The following PDZD2 variants were observed in gnomAD, a reference collection of about 807,000 sequenced individuals.
PDZD2 encodes the protein PDZ domain containing 2, also known as PDZ domain-containing protein 2.
In PDZD2, 90 loss-of-function variants were observed where a neutral mutation model predicts 220.7. That is an observed-to-expected ratio of 0.41 (90% CI 0.34 to 0.49). The LOEUF (loss-of-function observed/expected upper bound fraction) is 0.49. PDZD2 is among the 20% of genes least tolerant of loss of function. The pLI, the probability that PDZD2 is intolerant of heterozygous loss-of-function variation, is 0.28. For missense variants in PDZD2, 3,174 were observed against 3,608.5 expected (o/e 0.88, Z 3.08); for synonymous variants, 1,375 against 1,450.5 (o/e 0.95, Z 1.18).
At chr5:32,084,769 T>C (rs1742275996) in intron 19 of PDZD2, among the ~76,000 whole-genome samples, 2 of 152,100 alleles carry the variant, frequency 1.3e-5, no homozygotes, top group South Asian at 2.1e-4. Flanking sequence ...GCTGTGTGTC[T>C]GAGGTGGAAG....
intron 2 of PDZD2, among the ~76,000 whole-genome samples, chr5:31,938,320 A>G (rs1745933797): frequency 1.3e-5 from 2 of 152,206 alleles, no homozygotes; most frequent in South Asian, 4.1e-4. Context: ...TGTTTGGGAA[A>G]CTGATTTTAG....
At chr5:31,832,852 A>C (rs1219574789) in intron 2 of PDZD2, among the ~76,000 whole-genome samples, 1 of 152,070 alleles carries the variant, frequency 6.6e-6, no homozygotes, top group African/African-American at 2.4e-5. Flanking sequence ...TTTTATGTAT[A>C]TTTTACCACA....
intron 2 of PDZD2, among the ~76,000 whole-genome samples, chr5:31,939,163 G>A (rs1426539570): frequency 6.6e-6 from 1 of 152,192 alleles, no homozygotes; most frequent in East Asian, 1.9e-4. Context: ...CTGTACGCTT[G>A]ATGAGCCAGG....
intron 2 of PDZD2, among the ~76,000 whole-genome samples, chr5:31,977,121 G>A (rs1009540090): frequency 8.6e-5 from 13 of 151,600 alleles, no homozygotes; most frequent in Admixed American, 1.3e-4. Context: ...GCCTCCAAAA[G>A]CTCTGAGATT....
chr5:32,058,064 C>G lies in PDZD2; in HGVS notation c.2161C>G (p.Pro721Ala). The change falls in exon 12 of 25, where the codon CCC (proline) becomes GCC (alanine). Residue 721 changes from proline to alanine, a missense_variant. Pro to Ala is a conservative substitution (Grantham distance 27). Around this residue, in one of 4 missense-constraint regions of PDZD2, gnomAD observed 1,861 missense variants for 2,001.0 expected, o/e 0.93. Coordinates refer to ENST00000438447, the MANE Select transcript of PDZD2 (RefSeq NM_178140.4). ...ATCCCTGGGTCGGAAGACCCCTGGGCCCAAGGACAGGATCGTCATGGAAGT... is the reference window on the plus strand; with the variant it reads ...ATCCCTGGGTCGGAAGACCCCTGGGGCCAAGGACAGGATCGTCATGGAAGT... Reference protein sequence around the residue: ...SSSLGRKTPGPKDRIVMEVTL... With the variant: ...SSSLGRKTPGAKDRIVMEVTL... 1 of 1,606,636 alleles carries G rather than the reference C, an allele frequency of 6.2e-7. No homozygotes were observed. Among genetic ancestry groups the G allele is most frequent in the Non-Finnish European group, 8.5e-7 (1 of 1,173,280 alleles).
At chr5:31,994,290 GAGCC>G (rs934497849) in intron 3 of PDZD2, among the ~76,000 whole-genome samples, 1 of 151,048 alleles carries the variant, frequency 6.6e-6, no homozygotes, top group African/African-American at 2.4e-5. Flanking sequence ...TTACAGGCAT[GAGCC>G]ACCACGCCCA....
chr5:32,070,348 A>G (rs1049633819), intron 15 of PDZD2, among the ~76,000 whole-genome samples: 6 of 152,192 alleles, frequency 3.9e-5, no homozygotes, highest in African/African-American at 1.4e-4. Flanking sequence ...TACCCTGATT[A>G]TTTACATTCA....
chr5:31,978,232 T>C (rs181026644), intron 2 of PDZD2, among the ~76,000 whole-genome samples: 10 of 152,352 alleles, frequency 6.6e-5, no homozygotes, highest in Non-Finnish European at 8.8e-5. Flanking sequence ...AGGACATGAT[T>C]GTATTCCATT....
intron 2 of PDZD2, chr5:31,923,218 G>C (rs746653537): frequency 2.3e-6 from 1 of 432,550 alleles, no homozygotes; most frequent in Admixed American, 3.4e-5. Flanking sequence ...AGCTGAGATC[G>C]TGCCATTGCA....
At chr5:31,779,563 C>T (rs573676467) in intron 1 of PDZD2, among the ~76,000 whole-genome samples, 125 of 151,754 alleles carry the variant, frequency 8.2e-4, no homozygotes, top group Admixed American at 3.9e-4. Context: ...TTAGTAGAGA[C>T]GGGGTTTCAC....
chr5:32,075,292 C>T (rs369279736), intron 18 of PDZD2, among the ~76,000 whole-genome samples: 5 of 152,110 alleles, frequency 3.3e-5, no homozygotes, highest in Admixed American at 6.6e-5. Context: ...TGGCACTGGT[C>T]GAGTTACAAC....
intron 1 of PDZD2, among the ~76,000 whole-genome samples, chr5:31,795,283 C>T (rs983580568): frequency 1.3e-5 from 2 of 152,138 alleles, no homozygotes; most frequent in African/African-American, 4.8e-5. Flanking sequence ...GTAAAGTCAC[C>T]TACTGAGAAT....
At chr5:31,652,694 GA>G (rs907320162) in intron 1 of PDZD2, among the ~76,000 whole-genome samples, 11 of 152,152 alleles carry the variant, frequency 7.2e-5, no homozygotes, top group African/African-American at 2.4e-4. Flanking sequence ...CCAGAGGGAG[GA>G]AAAATGGTGA....
At chr5:31,727,740 C>T (rs1749252290) in intron 1 of PDZD2, among the ~76,000 whole-genome samples, 3 of 9,182 alleles carry the variant, frequency 3.3e-4, no homozygotes, top group South Asian at 2.5e-3. Context: ...GCGGTGGCTT[C>T]ACCTGTAAAC....
intron 2 of PDZD2, among the ~76,000 whole-genome samples, chr5:31,888,089 T>C (rs1478854849): frequency 6.6e-6 from 1 of 152,184 alleles, no homozygotes; most frequent in Non-Finnish European, 1.5e-5. Context: ...GGCGCAGATA[T>C]TGCCCATAGA....
chr5:32,102,994 A>G (rs1744400453), intron 24 of PDZD2, among the ~76,000 whole-genome samples: 1 of 152,212 alleles, frequency 6.6e-6, no homozygotes, highest in Admixed American at 6.5e-5. Context: ...TAAAAAATAG[A>G]CTAAATCCAT....
At chr5:32,028,949 C>T (rs984063550) in intron 6 of PDZD2, among the ~76,000 whole-genome samples, 1 of 152,160 alleles carries the variant, frequency 6.6e-6, no homozygotes, top group African/African-American at 2.4e-5. Flanking sequence ...TCCCAAATTG[C>T]TGGGATTGCA....
At chr5:32,035,072 G>A (rs1219239934) in intron 6 of PDZD2, among the ~76,000 whole-genome samples, 1 of 152,026 alleles carries the variant, frequency 6.6e-6, no homozygotes, top group Non-Finnish European at 1.5e-5. Context: ...TTTTGCCTAC[G>A]TTTCCTCATT....
chr5:31,672,246 C>A (rs1031849201), intron 1 of PDZD2, among the ~76,000 whole-genome samples: 1 of 152,278 alleles, frequency 6.6e-6, no homozygotes, highest in Non-Finnish European at 1.5e-5. Context: ...AATGCAGATT[C>A]CAATCGGTAA....
Sources: allele counts gnomAD v4.1 joint callset (sites outside exome capture counted in the v4.1 genomes callset), GRCh38; gene constraint gnomAD v4.1.1; regional missense constraint gnomAD v4.1.1; transcripts MANE v1.5; gene names NCBI Gene and HGNC (gene_info 2026-07-23, HGNC 2026-07-21).